Variants in SNTA1 observed in about 807,000 individuals in gnomAD.
SNTA1 encodes syntrophin alpha 1, also known as alpha-1-syntrophin.
Under a neutral mutation model 47.1 loss-of-function variants are expected in SNTA1, and 31 were observed. The observed-to-expected ratio is 0.66, with a 90% CI of 0.49 to 0.89. SNTA1 has a LOEUF of 0.89. Ranked by LOEUF, SNTA1 falls within the 40% of genes least tolerant of loss-of-function variation. SNTA1 has a pLI of 0.00. For synonymous variants in SNTA1, 300 were observed against 313.6 expected (o/e 0.96, Z 0.46); for missense variants, 575 against 693.0 (o/e 0.83, Z 1.91).
chr20:33,408,701 G>A lies in SNTA1; in HGVS notation c.1425C>T (p.Ile475=), dbSNP rs775932782. ...GGTGCAGAGGCAGCCCCTCACTCAC[G>A]ATCTCGCCTTCAGCACCTCCAAAAT... ...FLDFGGAEGE[I]QLDLHSCPKT... Residue 475 remains isoleucine, a splice_region_variant and synonymous_variant, in exon 7 of 8, where the codon ATC becomes ATT. Transcript: ENST00000217381. The A allele has an allele frequency of 6.2e-6, 10 of 1,613,758 alleles. No individual in the cohort carries two copies. The highest frequency in any genetic ancestry group is 1.6e-4 in the Middle Eastern group (1 of 6,084).
intron 2 of SNTA1, among the ~76,000 whole-genome samples, chr20:33,421,249 A>G (rs148838469): frequency 1.8e-4 from 27 of 152,272 alleles, no homozygotes; most frequent in African/African-American, 6.3e-4. Flanking sequence ...TTCCAGCTCC[A>G]GCACTGTCTA....
chr20:33,438,774 G>A, intron 2 of SNTA1, 67 bp downstream of exon 2: 6 of 1,348,074 alleles, frequency 4.5e-6, no homozygotes, highest in Non-Finnish European at 6.4e-6. Flanking sequence ...CTGAGGCCTG[G>A]GGGAGGTAGA....
intron 5 of SNTA1, among the ~76,000 whole-genome samples, 180 bp downstream of exon 5, chr20:33,412,116 T>C (rs1049224367): frequency 6.6e-6 from 1 of 152,200 alleles, no homozygotes; most frequent in East Asian, 1.9e-4. Context: ...TATATCCTTT[T>C]GTTCCAAGCA....
rs780208353 is a variant in SNTA1, at chr20:33,438,828, C to A, written c.496+13G>T. 6.2e-7 allele frequency: 1 copy of A among 1,609,922 alleles called. No homozygotes were observed. Among genetic ancestry groups the A allele is most frequent in the African/African-American group, 1.3e-5 (1 of 74,796 alleles). ...CACCCAGCCCCTCTGAACCCTGGAA[C>A]GTCAGTGCTTACCCTCCAGCACCAC... On this transcript the variant is annotated intron_variant, in intron 2 of 7. Transcript: ENST00000217381.
chr20:33,426,849 C>T (rs1045438456), intron 2 of SNTA1, among the ~76,000 whole-genome samples: 1 of 151,732 alleles, frequency 6.6e-6, no homozygotes, highest in Admixed American at 6.6e-5. Context: ...ATCGCTTGAG[C>T]CCAGGAGTTT....
chr20:33,408,618 GAA>G lies in SNTA1; in HGVS notation c.1426-21_1426-20del. The G allele has an allele frequency of 8.1e-6, 13 of 1,612,246 alleles. No individual in the cohort carries two copies. The highest frequency in any genetic ancestry group is 1.0e-5 in the Non-Finnish European group (12 of 1,178,296). ...CCAGCTGCTGGAGGGTGGATGGAGA[GAA>G]GAGTCAGGGCCCTGGCCAGCCTGGC... On this transcript the variant is annotated intron_variant, in intron 7 of 7. Coordinates refer to ENST00000217381, the MANE Select transcript of SNTA1 (RefSeq NM_003098.3).
In SNTA1 at chr20:33,443,757, G is replaced by T. The variant is rs1408570125; in HGVS notation, c.-137C>A. 2 of 393,358 alleles carry T rather than the reference G, an allele frequency of 5.1e-6. No homozygotes were observed. Among genetic ancestry groups the T allele is most frequent in the East Asian group, 7.4e-5 (1 of 13,514 alleles). The allele number at this position is 393,358 out of a possible 1,614,324, so 24.4% of individuals were successfully genotyped here. ...CACCCTACCCCGGCCGCTGGGGGAG[G>T]AGCTCTGGGGGCGGGGCTACCCTGG... is the stretch of plus-strand genomic sequence containing the variant. On this transcript the variant is annotated 5_prime_UTR_variant, in exon 1 of 8. Coordinates refer to ENST00000217381, the MANE Select transcript of SNTA1 (RefSeq NM_003098.3).
At chr20:33,436,511 A>T (rs1014315417) in intron 2 of SNTA1, among the ~76,000 whole-genome samples, 3 of 152,138 alleles carry the variant, frequency 2.0e-5, no homozygotes, top group South Asian at 4.1e-4. Context: ...GCTTCTAAGG[A>T]TCAACACTCT....
In SNTA1 at chr20:33,417,868, C is replaced by G; in HGVS notation, c.552G>C (p.Ser184=). 2 of 1,614,038 alleles carry G rather than the reference C, an allele frequency of 1.2e-6. No individual in the cohort carries two copies. The highest frequency in any genetic ancestry group is 1.7e-6 in the Non-Finnish European group (2 of 1,180,000). ...AGGCAGGAGGTGAGTCCCAGCCGAC[C>G]GAGGTCCCACCAGTAGAGTTCTTGA... ...PYFKNSTGGT[S]VGWDSPPASP... The change falls in exon 3 of 8, where the codon TCG becomes TCC. Residue 184 remains serine (S), a synonymous_variant. Transcript: ENST00000217381.
chr20:33,419,096 C>T (rs901088507), intron 2 of SNTA1, among the ~76,000 whole-genome samples: 1 of 151,758 alleles, frequency 6.6e-6, no homozygotes, highest in East Asian at 1.9e-4. Context: ...CGATGAAGTG[C>T]GACTGCCTCA....
intron 3 of SNTA1, 76 bp from the exon 4 acceptor site, chr20:33,412,858 A>C: frequency 1.0e-6 from 1 of 963,984 alleles, no homozygotes; most frequent in Non-Finnish European, 1.6e-6. Context: ...AAGAAACCCC[A>C]CCCACCACCA....
chr20:33,420,607 AT>A (rs1272464477), intron 2 of SNTA1, among the ~76,000 whole-genome samples: 2 of 152,102 alleles, frequency 1.3e-5, no homozygotes, highest in Non-Finnish European at 2.9e-5. Flanking sequence ...TTCTTGCCAT[AT>A]CCCTAATCTC....
At chr20:33,427,180 T>C (rs924826430) in intron 2 of SNTA1, among the ~76,000 whole-genome samples, 2 of 152,050 alleles carry the variant, frequency 1.3e-5, no homozygotes, top group African/African-American at 4.8e-5. Flanking sequence ...AGCAGTGTGG[T>C]TATGATTTCT....
Position 33,409,039 on chromosome 20 carries a change from G to A in SNTA1, c.1238-151C>T, listed in dbSNP as rs1052209335. On this transcript the variant is annotated intron_variant, in intron 6 of 7. Transcript: ENST00000217381. The stretch of plus-strand genomic sequence containing the variant: ...GTCGTGGCACCAGTACACCCACCCT[G>A]CAGAGAGTCATCACCCCCACCCTCA... The A allele has an allele frequency of 1.3e-5, 9 of 708,846 alleles. No homozygotes were observed. The Admixed American group carries it at 1.4e-4, about 11-fold the overall frequency. 43.9% of individuals were successfully genotyped at this position (708,846 alleles called of 1,614,324 possible). A position where few individuals can be genotyped will look rare whatever the true frequency, so the allele number is the denominator to read the frequency against.
At chr20:33,431,532 G>A (rs1364109676) in intron 2 of SNTA1, among the ~76,000 whole-genome samples, 1 of 151,968 alleles carries the variant, frequency 6.6e-6, no homozygotes, top group African/African-American at 2.4e-5. Flanking sequence ...TGGATCACCT[G>A]AGGTCAGGAG....
chr20:33,425,878 C>A (rs1011735933), intron 2 of SNTA1, among the ~76,000 whole-genome samples: 3 of 152,022 alleles, frequency 2.0e-5, no homozygotes, highest in Non-Finnish European at 4.4e-5. Flanking sequence ...TCGAGACCAG[C>A]CTGGCCAACA....
chr20:33,435,333 C>A (rs180844919), intron 2 of SNTA1, among the ~76,000 whole-genome samples: 2 of 151,060 alleles, frequency 1.3e-5, no homozygotes, highest in African/African-American at 4.9e-5. Flanking sequence ...CATGGTGGCT[C>A]ACGTCTGTAA....
chr20:33,410,107 G>T lies in SNTA1; in HGVS notation c.1237+28C>A, dbSNP rs763179252. 8 of 1,612,594 alleles carry T rather than the reference G, an allele frequency of 5.0e-6. No individual in the cohort carries two copies. In the East Asian group the frequency reaches 1.8e-4, roughly 36 times the overall value. ...TGGGGATAAGAGGCTTATTACCAGAGGGACACTCCCAGATCCTCCCAGCAC... is the reference window on the plus strand; with the variant it reads ...TGGGGATAAGAGGCTTATTACCAGATGGACACTCCCAGATCCTCCCAGCAC... On this transcript the variant is annotated intron_variant, in intron 6 of 7. Transcript: ENST00000217381.
chr20:33,420,016 C>T (rs1302220054), intron 2 of SNTA1, among the ~76,000 whole-genome samples: 1 of 151,998 alleles, frequency 6.6e-6, no homozygotes, highest in East Asian at 1.9e-4. Context: ...CTCTGCCTCC[C>T]GGGTTCAAGC....
Sources: allele counts gnomAD v4.1 joint callset (sites outside exome capture counted in the v4.1 genomes callset), GRCh38; gene constraint gnomAD v4.1.1; transcripts MANE v1.5; gene names NCBI Gene and HGNC (gene_info 2026-07-23, HGNC 2026-07-21).